The following COX5A variants were observed in gnomAD, a reference collection of about 807,000 sequenced individuals.
COX5A encodes cytochrome c oxidase subunit 5A.
Under a neutral mutation model 16.1 loss-of-function variants are expected in COX5A, and 6 were observed. That is an observed-to-expected ratio of 0.37 (90% CI 0.20 to 0.73). COX5A has a LOEUF of 0.73. Ranked by LOEUF, COX5A falls within the 30% of genes least tolerant of loss-of-function variation. The probability of loss-of-function intolerance (pLI) is 0.50; values close to 1 mark genes in which losing one functional copy is unlikely to be tolerated. For synonymous variants in COX5A, 73 were observed against 73.8 expected, an observed-to-expected ratio of 0.99 and a Z score of 0.06; for missense variants, 159 against 194.9, an observed-to-expected ratio of 0.82 and a Z score of 1.10.
rs1225308052 is a variant in COX5A, at chr15:74,927,008, A to G, written c.218-121T>C. 4.6e-6 allele frequency: 5 copies of G among 1,080,432 alleles called. No individual in the cohort carries two copies. In the African/African-American group the frequency reaches 8.2e-5, roughly 18 times the overall value. The allele number at this position is 1,080,432 out of a possible 1,614,324, so 66.9% of individuals were successfully genotyped here. On this transcript the variant is annotated intron_variant, in intron 2 of 4. Transcript: ENST00000322347. ...TATCTGTCTGGGTCTCCATTCTCTTACCTATAAAATGAGAGAAACCTACCT... is the reference window on the plus strand; with the variant it reads ...TATCTGTCTGGGTCTCCATTCTCTTGCCTATAAAATGAGAGAAACCTACCT...
chr15:74,923,534 C>T (rs1191986858), intron 4 of COX5A, 114 bp downstream of exon 4: 7 of 544,712 alleles, frequency 1.3e-5, no homozygotes, highest in East Asian at 6.2e-5. Context: ...TTCATGCTCA[C>T]GGCCATTACC....
chr15:74,920,422 TA>T lies in COX5A; in HGVS notation c.*29del. On this transcript the variant is annotated 3_prime_UTR_variant, in exon 5 of 5. Coordinates refer to ENST00000322347, the MANE Select transcript of COX5A (RefSeq NM_004255.4). ...GTTCACACTCAAGTAGCAATGTCAA[TA>T]AATCCTTGGGGAAGCCCATCTGTAA... 2.9e-6 allele frequency: 2 copies of T among 696,286 alleles called. No homozygotes were observed. Among genetic ancestry groups the T allele is most frequent in the Non-Finnish European group, 5.2e-6 (2 of 383,084 alleles). 43.1% of individuals were successfully genotyped at this position (696,286 alleles called of 1,614,324 possible).
rs1206040726 is a variant in COX5A at position 74,920,367 on chromosome 15, A to G, written c.*85T>C. On this transcript the variant is annotated 3_prime_UTR_variant, in exon 5 of 5. Transcript: ENST00000322347. Reference sequence around the variant, plus strand: ...AAGGAAAACTTGTTCAAATAAGGTAATATGTTATCATCAGTATTTCCAGGT... The same window carrying G: ...AAGGAAAACTTGTTCAAATAAGGTAGTATGTTATCATCAGTATTTCCAGGT... The G allele has an allele frequency of 8.7e-6, 6 of 692,760 alleles. No individual in the cohort carries two copies. In the Admixed American group the frequency reaches 1.0e-4, roughly 12 times the overall value. 42.9% of individuals were successfully genotyped at this position (692,760 alleles called of 1,614,324 possible).
intron 2 of COX5A, among the ~76,000 whole-genome samples, chr15:74,928,476 C>T (rs1742461686): frequency 6.6e-6 from 1 of 152,046 alleles, no homozygotes; most frequent in Non-Finnish European, 1.5e-5. Flanking sequence ...GCTCTGCCTC[C>T]CGGGTTCACG....
At chr15:74,930,687 TA>T (rs1360922787) in intron 1 of COX5A, among the ~76,000 whole-genome samples, 1 of 145,642 alleles carries the variant, frequency 6.9e-6, no homozygotes, top group Non-Finnish European at 1.5e-5. Flanking sequence ...TTCAAGTTCT[TA>T]AATAAACTTA....
intron 3 of COX5A, among the ~76,000 whole-genome samples, chr15:74,925,192 C>A (rs1423053775): frequency 1.3e-5 from 2 of 151,606 alleles, no homozygotes; most frequent in African/African-American, 4.8e-5. Context: ...CCCAGCTACT[C>A]GGGAGGCTGA....
intron 4 of COX5A, among the ~76,000 whole-genome samples, chr15:74,921,423 A>AAAG (rs1349422715): frequency 6.8e-6 from 1 of 147,954 alleles, no homozygotes; most frequent in Non-Finnish European, 1.5e-5. Context: ...AAAAAAAAAA[A>AAAG]AAAGAAAAAG....
intron 4 of COX5A, among the ~76,000 whole-genome samples, chr15:74,922,633 G>C (rs2065326207): frequency 6.6e-6 from 1 of 150,896 alleles, no homozygotes; most frequent in Admixed American, 6.6e-5. Flanking sequence ...GAGCTTACAG[G>C]CATGAGCCAT....
chr15:74,936,764 T>C (rs200397368), intron 1 of COX5A, among the ~76,000 whole-genome samples: 2 of 151,296 alleles, frequency 1.3e-5, no homozygotes, highest in Admixed American at 6.6e-5. Flanking sequence ...GTAGCTGGGA[T>C]TACAGGCGCC....
At chr15:74,937,797 T>G (rs994371519) in intron 1 of COX5A, 118 bp downstream of exon 1, 2 of 589,780 alleles carry the variant, frequency 3.4e-6, no homozygotes, top group Non-Finnish European at 4.9e-6. Flanking sequence ...GGTCACCGGG[T>G]TCAGTAACCA....
intron 1 of COX5A, among the ~76,000 whole-genome samples, chr15:74,935,288 T>TCAAAAA (rs1197808239): frequency 2.0e-5 from 3 of 148,526 alleles, no homozygotes; most frequent in East Asian, 2.0e-4. Flanking sequence ...AGACCCTGTC[T>TCAAAAA]CAAAAACAAA....
chr15:74,924,387 A>G (rs2065334539), intron 3 of COX5A, among the ~76,000 whole-genome samples: 3 of 151,554 alleles, frequency 2.0e-5, no homozygotes, highest in Admixed American at 2.0e-4. Context: ...AAATACAAAA[A>G]TTTGCTGGGT....
chr15:74,931,527 T>C (rs1323855884), intron 1 of COX5A, among the ~76,000 whole-genome samples: 2 of 151,112 alleles, frequency 1.3e-5, no homozygotes, highest in African/African-American at 2.4e-5. Context: ...GATGTTTACA[T>C]AGAGTACTGT....
At position 74,926,883 on chromosome 15, in the gene COX5A, T is replaced by C. The variant is rs759571153; in HGVS notation, c.222A>G (p.Ile74Met). 2.5e-6 allele frequency: 4 copies of C among 1,609,176 alleles called. No individual in the cohort carries two copies. Among genetic ancestry groups the C allele is most frequent in the African/African-American group, 1.3e-5 (1 of 74,632 alleles). The part of the protein sequence containing the change: ...DIDAWELRKG[I>M]NTLVTYDMVP... ...CCATATCATAGGTAACAAGTGTGTT[T>C]ATCCCTGCAAAATTAAAAAGAAGGG... The change falls in exon 3 of 5, where the codon ATA becomes ATG. Residue 74 changes from isoleucine to methionine, a missense_variant. Physicochemically the swap from Ile to Met is conservative, Grantham distance 10. Transcript: ENST00000322347.
intron 1 of COX5A, 149 bp from the exon 2 acceptor site, chr15:74,929,381 G>T: frequency 1.7e-6 from 1 of 579,128 alleles, no homozygotes; most frequent in South Asian, 2.2e-5. Context: ...CATTGATACA[G>T]AAAGATATAT....
chr15:74,925,538 AC>A (rs1566978385), intron 3 of COX5A, among the ~76,000 whole-genome samples: 1 of 147,372 alleles, frequency 6.8e-6, no homozygotes, highest in African/African-American at 2.5e-5. Context: ...ACAGGCATGC[AC>A]CCCCACGCCC....
At chr15:74,930,116 A>T (rs1001492098) in intron 1 of COX5A, among the ~76,000 whole-genome samples, 1 of 138,770 alleles carries the variant, frequency 7.2e-6, no homozygotes, top group South Asian at 2.4e-4. Context: ...AAACAAAAAC[A>T]AAAACTAAAA....
In COX5A at chr15:74,920,193, G is replaced by GT; in HGVS notation, c.*258dup. 1 of 542,660 alleles carries GT rather than the reference G, an allele frequency of 1.8e-6. No homozygotes were observed. The highest frequency in any genetic ancestry group is 3.3e-5 in the East Asian group (1 of 30,052). The allele number at this position is 542,660 out of a possible 1,614,324, so 33.6% of individuals were successfully genotyped here. ...AGAATTAACACAGTTCTCTCAGCAT[G>GT]TAAGAGGGCAGCAAAACCATGAAAC... is the stretch of plus-strand genomic sequence containing the variant. On this transcript the variant is annotated 3_prime_UTR_variant, in exon 5 of 5. Transcript: ENST00000322347.
At chr15:74,935,989 A>G (rs1390369399) in intron 1 of COX5A, among the ~76,000 whole-genome samples, 1 of 152,066 alleles carries the variant, frequency 6.6e-6, no homozygotes, top group African/African-American at 2.4e-5. Flanking sequence ...TGGTTCCACC[A>G]TTAAAAAGGA....
Sources: gnomAD v4.1 joint callset for allele counts (sites outside exome capture counted in the v4.1 genomes callset) on GRCh38, gnomAD v4.1.1 for gene constraint, MANE v1.5 for transcripts, NCBI Gene and HGNC (gene_info 2026-07-23, HGNC 2026-07-21) for gene names.